Variants in DNAH14 observed in about 807,000 individuals in gnomAD.
DNAH14 encodes the protein axonemal beta dynein heavy chain 14.
Under a neutral mutation model 520.9 loss-of-function variants are expected in DNAH14, and 478 were observed. The ratio of observed to expected loss-of-function variants is 0.92; its 90% CI spans 0.85 to 0.99. The LOEUF is 0.99. Among genes scored for constraint, DNAH14 ranks in the 50% least tolerant of loss-of-function variants. DNAH14 has a pLI of 0.00. For synonymous variants in DNAH14, 1,581 were observed against 1,757.2 expected, an observed-to-expected ratio of 0.90 and a Z score of 2.51; for missense variants, 4,831 against 5,234.5, an observed-to-expected ratio of 0.92 and a Z score of 2.38.
In DNAH14 at chr1:225,303,359, A is replaced by G. The variant is rs2094176117; in HGVS notation, c.8823+12A>G. On this transcript the variant is annotated intron_variant, in intron 57 of 85. Coordinates refer to ENST00000682510, the MANE Select transcript of DNAH14 (RefSeq NM_001367479.1). ...TTGAGAACAGAGAGGTAAATATCTA[A>G]TGCAAGTGAAGGTTTCAGTTTATTG... is the stretch of plus-strand genomic sequence containing the variant. 6.5e-7 allele frequency: 1 copy of G among 1,542,784 alleles called. No individual in the cohort carries two copies. The highest frequency in any genetic ancestry group is 1.2e-5 in the South Asian group (1 of 82,338).
chr1:225,089,464 A>AG (rs1553439213), intron 21 of DNAH14, among the ~76,000 whole-genome samples: 8 of 138,460 alleles, frequency 5.8e-5, no homozygotes, highest in Non-Finnish European at 9.5e-5. Flanking sequence ...AAAAAAAAAA[A>AG]AGAGAGCGAG....
rs377147405 is a variant in DNAH14 at position 225,256,331 on chromosome 1, C to A, written c.6866-1629C>A. Among the ~76,000 whole-genome samples, 71 of 152,260 alleles carry A rather than the reference C, an allele frequency of 4.7e-4. 1 individual carries two copies. In the East Asian group the frequency reaches 0.013, roughly 28 times the overall value. On this transcript the variant is annotated intron_variant, in intron 44 of 85. Transcript: ENST00000682510. ...CGTGTTGGTCATCCAGAAGTTACCA[C>A]AGTGGCGGCTGGAGTAGGGTAGAAA... is the stretch of plus-strand genomic sequence containing the variant.
intron 41 of DNAH14, among the ~76,000 whole-genome samples, chr1:225,221,338 A>C (rs541412534): frequency 2.6e-5 from 4 of 152,376 alleles, no homozygotes; most frequent in Middle Eastern, 6.8e-3. Context: ...CCTTCTGCAC[A>C]GCAAAAGAAA....
At chr1:225,154,745 A>G (rs1008423845) in intron 34 of DNAH14, among the ~76,000 whole-genome samples, 1 of 152,096 alleles carries the variant, frequency 6.6e-6, no homozygotes, top group Non-Finnish European at 1.5e-5. Context: ...TTGAAGAAAC[A>G]TATGTCCTTT....
At chr1:225,077,482 A>C (rs1490424540) in intron 17 of DNAH14, among the ~76,000 whole-genome samples, 4 of 109,902 alleles carry the variant, frequency 3.6e-5, no homozygotes, top group African/African-American at 1.1e-4. Flanking sequence ...TTGTGATATA[A>C]ATGTGTATTT....
At chr1:225,091,060 C>A (rs1371428337) in intron 21 of DNAH14, among the ~76,000 whole-genome samples, 1 of 150,844 alleles carries the variant, frequency 6.6e-6, no homozygotes, top group South Asian at 2.1e-4. Flanking sequence ...AAGAGATGGG[C>A]AAAATATTAA....
At chr1:225,014,587 ATT>A (rs1049669364) in intron 10 of DNAH14, among the ~76,000 whole-genome samples, 11 of 151,972 alleles carry the variant, frequency 7.2e-5, no homozygotes, top group African/African-American at 2.4e-4. Flanking sequence ...AACATGTTTA[ATT>A]TTCATGTATT....
At chr1:225,327,840 G>C (rs1308732916) in intron 64 of DNAH14, among the ~76,000 whole-genome samples, 1 of 151,988 alleles carries the variant, frequency 6.6e-6, no homozygotes, top group African/African-American at 2.4e-5. Context: ...AACAAAAAGA[G>C]AGAGAGAGAG....
At chr1:225,228,673 T>C (rs1399309441) in intron 41 of DNAH14, among the ~76,000 whole-genome samples, 1 of 152,098 alleles carries the variant, frequency 6.6e-6, no homozygotes, top group Non-Finnish European at 1.5e-5. Context: ...CTTATGTTAT[T>C]TACTAATTCT....
chr1:225,110,178 A>G (rs1436061553), intron 23 of DNAH14, among the ~76,000 whole-genome samples: 2 of 152,092 alleles, frequency 1.3e-5, no homozygotes, highest in African/African-American at 2.4e-5. Context: ...TTTTAGTATC[A>G]GGGTAATACC....
intron 43 of DNAH14, among the ~76,000 whole-genome samples, chr1:225,250,959 GAACACACAAAAGACAACAGAAAATA>G (rs990952709): frequency 1.3e-5 from 2 of 152,014 alleles, no homozygotes; most frequent in Non-Finnish European, 2.9e-5. Flanking sequence ...AAGGAAATTT[GAACACACAAAAGACAACAGAAAATA>G]AATTTCTGTT....
Position 225,120,957 on chromosome 1 carries a change from A to G in DNAH14, c.4166+1663A>G, listed in dbSNP as rs188403088. Among the ~76,000 whole-genome samples the G allele has an allele frequency of 1.7e-3, 266 of 152,272 alleles. 1 individual carries two copies. Among genetic ancestry groups the G allele is most frequent in the Middle Eastern group, 3.4e-3 (1 of 294 alleles). On this transcript the variant is annotated intron_variant, in intron 26 of 85. Coordinates refer to ENST00000682510, the MANE Select transcript of DNAH14 (RefSeq NM_001367479.1). ...ATTTTAGATGCAAATTTTATTTAAC[A>G]TCGAAAAGTACAACTGACAGCATCC...
intron 10 of DNAH14, among the ~76,000 whole-genome samples, chr1:225,009,256 T>G (rs545849562): frequency 6.6e-6 from 1 of 152,242 alleles, no homozygotes; most frequent in Non-Finnish European, 1.5e-5. Flanking sequence ...TTTAAGCCTT[T>G]AATCTATCTT....
chr1:225,257,938 TTTTTTTAAAATG>T lies in DNAH14; in HGVS notation c.6866-19_6866-8del, dbSNP rs1474371622. 1 of 1,527,266 alleles carries T rather than the reference TTTTTTTAAAATG, an allele frequency of 6.5e-7. No homozygotes were observed. The highest frequency in any genetic ancestry group is 8.8e-7 in the Non-Finnish European group (1 of 1,134,760). The allele number at this position is 1,527,266 out of a possible 1,614,324, so 94.6% of individuals were successfully genotyped here. A position where few individuals can be genotyped will look rare whatever the true frequency, so the allele number is the denominator to read the frequency against. ...TAGTACTTTCTAGGTCATTTGAAAC[TTTTTTTAAAATG>T]TTAACTTAGGAACTTCATTACTAAC... On this transcript the variant is annotated splice_polypyrimidine_tract_variant and intron_variant, in intron 44 of 85. Transcript: ENST00000682510.
intron 15 of DNAH14, among the ~76,000 whole-genome samples, chr1:225,048,872 T>A (rs1467501064): frequency 2.6e-5 from 4 of 152,126 alleles, no homozygotes; most frequent in African/African-American, 9.7e-5. Flanking sequence ...GCACTTGGTA[T>A]TGCCAGATTA....
At chr1:224,999,791 G>A (rs1468771600) in intron 8 of DNAH14, among the ~76,000 whole-genome samples, 1 of 151,882 alleles carries the variant, frequency 6.6e-6, no homozygotes, top group Non-Finnish European at 1.5e-5. Flanking sequence ...GTCTACTGAT[G>A]TTATAATTTT....
chr1:225,364,960 C>G, intron 76 of DNAH14, 66 bp downstream of exon 76: 4 of 1,114,384 alleles, frequency 3.6e-6, no homozygotes, highest in Non-Finnish European at 5.1e-6. Context: ...AGTCATCTTA[C>G]ATTCAAAACT....
rs1185114184 is a variant in DNAH14 at position 225,207,203 on chromosome 1, A to T, written c.6422A>T (p.Asn2141Ile). The change falls in exon 41 of 86, where the codon AAT (asparagine) becomes ATT (isoleucine). Residue 2141 changes from asparagine to isoleucine, a missense_variant. By Grantham distance (149) the Asn-to-Ile change is moderately radical (BLOSUM62 -3). Coordinates refer to ENST00000682510, the MANE Select transcript of DNAH14 (RefSeq NM_001367479.1). The part of the protein sequence containing the change: ...LDAFFDFMGK[N>I]GGFEQSDDLN... The stretch of plus-strand genomic sequence containing the variant: ...GCTTTCTTTGACTTCATGGGTAAAA[A>T]TGGAGGATTTGAACAAAGTGAGTTT... 1 of 1,528,290 alleles carries T rather than the reference A, an allele frequency of 6.5e-7. No homozygotes were observed. Among genetic ancestry groups the T allele is most frequent in the East Asian group, 2.5e-5 (1 of 40,164 alleles). 94.7% of individuals were successfully genotyped at this position (1,528,290 alleles called of 1,614,324 possible). A position where few individuals can be genotyped will look rare whatever the true frequency, so the allele number is the denominator to read the frequency against.
At chr1:225,171,484 A>G (rs1415282266) in intron 36 of DNAH14, among the ~76,000 whole-genome samples, 1 of 152,216 alleles carries the variant, frequency 6.6e-6, no homozygotes, top group Non-Finnish European at 1.5e-5. Context: ...AGAGAATACT[A>G]TAAACACCTC....
Sources: gnomAD v4.1 joint callset for allele counts (sites outside exome capture counted in the v4.1 genomes callset) on GRCh38, gnomAD v4.1.1 for gene constraint, MANE v1.5 for transcripts, NCBI Gene and HGNC (gene_info 2026-07-23, HGNC 2026-07-21) for gene names.